The following OR5W2 variants were observed in gnomAD, a reference collection of about 807,000 sequenced individuals.
OR5W2 encodes the protein olfactory receptor family 5 subfamily W member 2.
For missense variants in OR5W2, 444 were observed against 357.1 expected (o/e 1.24, Z -1.96); for synonymous variants, 164 against 138.2 (o/e 1.19, Z -1.31).
At position 55,913,723 on chromosome 11, in the gene OR5W2, G is replaced by T; in HGVS notation, c.860C>A (p.Pro287His). 6.2e-7 allele frequency: 1 copy of T among 1,613,820 alleles called. No homozygotes were observed. The highest frequency in any genetic ancestry group is 1.3e-5 in the African/African-American group (1 of 74,972). The change falls in exon 1 of 1, where the codon CCC becomes CAC. Residue 287 changes from proline to histidine, a missense_variant. Coordinates refer to ENST00000344514, the MANE Select transcript of OR5W2 (RefSeq NM_001001960.1). ...CTTGTTCCTCAGGCTATAAATCAGG[G>T]GGTTCAACATGGGAACCACAAGGGT... ...FYTLVVPMLN[P>H]LIYSLRNKDV...
rs754430807 is a variant in OR5W2, at chr11:55,913,697, C to G, written c.886G>C (p.Asp296His). Residue 296 changes from aspartate (D) to histidine (H), a missense_variant, in exon 1 of 1, where the codon GAT becomes CAT. Asp to His is a moderately conservative substitution (Grantham distance 81, BLOSUM62 -1). Coordinates refer to ENST00000344514, the MANE Select transcript of OR5W2 (RefSeq NM_001001960.1). ...NPLIYSLRNK[D>H]VKEALKKLKN... The stretch of plus-strand genomic sequence containing the variant: ...AGTTTTTTCAGGGCCTCTTTCACAT[C>G]CTTGTTCCTCAGGCTATAAATCAGG... 51 of 1,611,944 alleles carry G rather than the reference C, an allele frequency of 3.2e-5. No homozygotes were observed. The highest frequency in any genetic ancestry group is 4.2e-5 in the Non-Finnish European group (50 of 1,179,298).
In OR5W2 at chr11:55,914,240, G is replaced by T. The variant is rs1469856868; in HGVS notation, c.343C>A (p.Leu115Met). 1.9e-6 allele frequency: 3 copies of T among 1,613,754 alleles called. No individual in the cohort carries two copies. The highest frequency in any genetic ancestry group is 1.7e-6 in the Non-Finnish European group (2 of 1,179,820). ...CIFADSECLL[L>M]SVMAFDRYKA... ...TACCGATCAAAGGCCATCACTGACA[G>T]CAGTAGACACTCAGAATCTGCAAAG... is the stretch of plus-strand genomic sequence containing the variant. Residue 115 changes from leucine (L) to methionine (M), a missense_variant, in exon 1 of 1, where the codon CTG (leucine) becomes ATG (methionine). Leu to Met is a conservative substitution (Grantham distance 15, BLOSUM62 2). Transcript: ENST00000344514.
Position 55,914,452 on chromosome 11 carries a change from C to G in OR5W2, c.131G>C (p.Gly44Ala). 6.2e-7 allele frequency: 1 copy of G among 1,613,508 alleles called. No homozygotes were observed. Among genetic ancestry groups the G allele is most frequent in the Non-Finnish European group, 8.5e-7 (1 of 1,179,518 alleles). The change falls in exon 1 of 1, where the codon GGA (glycine) becomes GCA (alanine). Residue 44 changes from glycine to alanine, a missense_variant. Transcript: ENST00000344514. ...VYIINFSANL[G>A]MIVLIRMDYQ... ...ATCCATTCTGATTAAAACTATCATT[C>G]CAAGATTTGCTGAGAAATTAATGAT...
Position 55,914,269 on chromosome 11 carries a change from C to T in OR5W2, c.314G>A (p.Cys105Tyr). The change falls in exon 1 of 1, where the codon TGT becomes TAT. Residue 105 changes from cysteine (C) to tyrosine (Y), a missense_variant. Transcript: ENST00000344514. ...TAGACACTCAGAATCTGCAAAGATA[C>T]AGAAGACCAAGAATTGCAGAGCACA... ...YGCALQFLVF[C>Y]IFADSECLLL... The T allele has an allele frequency of 6.2e-7, 1 of 1,614,006 alleles. No homozygotes were observed. The highest frequency in any genetic ancestry group is 8.5e-7 in the Non-Finnish European group (1 of 1,179,986).
At position 55,914,382 on chromosome 11, in the gene OR5W2, A is replaced by T; in HGVS notation, c.201T>A (p.Ser67=). 6.2e-7 allele frequency: 1 copy of T among 1,614,022 alleles called. No homozygotes were observed. The change falls in exon 1 of 1, where the codon TCT becomes TCA. Residue 67 remains serine, a synonymous_variant. Coordinates refer to ENST00000344514, the MANE Select transcript of OR5W2 (RefSeq NM_001001960.1). ...CAGTAGAATAGCAGAGATCACAGAAAGACAGATGACTGAGGAAGAAATACA... is the reference window on the plus strand; with the variant it reads ...CAGTAGAATAGCAGAGATCACAGAATGACAGATGACTGAGGAAGAAATACA... ...TPMYFFLSHL[S]FCDLCYSTAT...
rs747488360 is a variant in OR5W2 at position 55,913,898 on chromosome 11, G to A, written c.685C>T (p.His229Tyr). The change falls in exon 1 of 1, where the codon CAC (histidine) becomes TAC (tyrosine). Residue 229 changes from histidine (H) to tyrosine (Y), a missense_variant. Transcript: ENST00000344514. The stretch of plus-strand genomic sequence containing the variant: ...GCTTTGAACCTCCCCTCAGCAGAGT[G>A]TATCTCCAAGACTGATAGGATGATA... Reference protein sequence around the residue: ...CYIILSVLEIHSAEGRFKALS... With the variant: ...CYIILSVLEIYSAEGRFKALS... The A allele has an allele frequency of 3.1e-6, 5 of 1,613,554 alleles. No homozygotes were observed. The highest frequency in any genetic ancestry group is 2.2e-5 in the South Asian group (2 of 91,076).
At position 55,914,161 on chromosome 11, in the gene OR5W2, C is replaced by A. The variant is rs767863061; in HGVS notation, c.422G>T (p.Cys141Phe). ...LYTVNMSSRV[C>F]YLLLTGVYLV... ...ATAAACCCCAGTCAAGAGTAGATAG[C>A]ACACTCTGCTAGACATGTTGACTGT... Residue 141 changes from cysteine to phenylalanine, a missense_variant, in exon 1 of 1, where the codon TGC (cysteine) becomes TTC (phenylalanine). Transcript: ENST00000344514. 1.2e-6 allele frequency: 2 copies of A among 1,613,928 alleles called. No individual in the cohort carries two copies. The highest frequency in any genetic ancestry group is 2.2e-5 in the East Asian group (1 of 44,872).
At position 55,913,696 on chromosome 11, in the gene OR5W2, T is replaced by A; in HGVS notation, c.887A>T (p.Asp296Val). The change falls in exon 1 of 1, where the codon GAT becomes GTT. Residue 296 changes from aspartate (D) to valine (V), a missense_variant. Transcript: ENST00000344514. ...CAGTTTTTTCAGGGCCTCTTTCACA[T>A]CCTTGTTCCTCAGGCTATAAATCAG... ...NPLIYSLRNK[D>V]VKEALKKLKN... is the part of the protein sequence containing the mutation. The A allele has an allele frequency of 6.2e-7, 1 of 1,612,212 alleles. No individual in the cohort carries two copies. Among genetic ancestry groups the A allele is most frequent in the Admixed American group, 1.7e-5 (1 of 59,608 alleles).
Position 55,913,942 on chromosome 11 carries a change from A to T in OR5W2, c.641T>A (p.Val214Asp). ...GFIELSTISG[V>D]FISYCYIILS... ...GATGATATAACAATAAGAAATGAAA[A>T]CTCCTGAAATGGTACTCAGTTCAAT... The change falls in exon 1 of 1, where the codon GTT (valine) becomes GAT (aspartate). Residue 214 changes from valine (V) to aspartate (D), a missense_variant. By Grantham distance (152) the Val-to-Asp change is radical. Coordinates refer to ENST00000344514, the MANE Select transcript of OR5W2 (RefSeq NM_001001960.1). 6.2e-7 allele frequency: 1 copy of T among 1,613,862 alleles called. No homozygotes were observed. Among genetic ancestry groups the T allele is most frequent in the Non-Finnish European group, 8.5e-7 (1 of 1,179,868 alleles).
rs749454129 is a variant in OR5W2, at chr11:55,913,948, GA to G, written c.634del (p.Ser212GlnfsTer57). The G allele has an allele frequency of 1.9e-5, 30 of 1,613,946 alleles. No individual in the cohort carries two copies. The South Asian group carries it at 2.5e-4, about 14-fold the overall frequency. On this transcript the variant is annotated frameshift_variant, in exon 1 of 1. Transcript: ENST00000344514. LOFTEE classifies it low-confidence loss of function (END_TRUNC). ...ATAACAATAAGAAATGAAAACTCCT[GA>G]AATGGTACTCAGTTCAATAAAACCA... ...VFGFIELSTI[S>X]GVFISYCYII...
At position 55,913,966 on chromosome 11, in the gene OR5W2, A is replaced by G. The variant is rs1316341910; in HGVS notation, c.617T>C (p.Ile206Thr). ...ELVLFTVFGFIELSTISGVFI... is the reference protein window; with the variant it reads ...ELVLFTVFGFTELSTISGVFI... ...AACTCCTGAAATGGTACTCAGTTCAATAAAACCAAAGACGGTGAATAACAC... is the reference window on the plus strand; with the variant it reads ...AACTCCTGAAATGGTACTCAGTTCAGTAAAACCAAAGACGGTGAATAACAC... Residue 206 changes from isoleucine to threonine, a missense_variant, in exon 1 of 1, where the codon ATT becomes ACT. By Grantham distance (89) the Ile-to-Thr change is moderately conservative. Transcript: ENST00000344514. 4 of 1,614,018 alleles carry G rather than the reference A, an allele frequency of 2.5e-6. No homozygotes were observed. Among genetic ancestry groups the G allele is most frequent in the South Asian group, 1.1e-5 (1 of 91,078 alleles).
Position 55,913,948 on chromosome 11 carries a change from G to A in OR5W2, c.635C>T (p.Ser212Leu), listed in dbSNP as rs1854911134. Residue 212 changes from serine (S) to leucine (L), a missense_variant, in exon 1 of 1, where the codon TCA becomes TTA. Transcript: ENST00000344514. The part of the protein sequence containing the change: ...VFGFIELSTI[S>L]GVFISYCYII... ...ATAACAATAAGAAATGAAAACTCCT[G>A]AAATGGTACTCAGTTCAATAAAACC... 1 of 1,613,828 alleles carries A rather than the reference G, an allele frequency of 6.2e-7. No individual in the cohort carries two copies.
In OR5W2 at chr11:55,914,187, A is replaced by G. The variant is rs761146467; in HGVS notation, c.396T>C (p.Tyr132=). ...ACACTCTGCTAGACATGTTGACTGT[A>G]TAGAGCAGGGGGTTGATGATGGCCT... ...RYKAIINPLL[Y]TVNMSSRVCY... The change falls in exon 1 of 1, where the codon TAT becomes TAC. Residue 132 remains tyrosine (Y), a synonymous_variant. Transcript: ENST00000344514. 6.2e-6 allele frequency: 10 copies of G among 1,614,006 alleles called. No homozygotes were observed. In the African/African-American group the frequency reaches 1.1e-4, roughly 17 times the overall value.
Position 55,914,165 on chromosome 11 carries a change from C to A in OR5W2, c.418G>T (p.Val140Leu), listed in dbSNP as rs775872230. ...LLYTVNMSSR[V>L]CYLLLTGVYL... ...ACCCCAGTCAAGAGTAGATAGCACACTCTGCTAGACATGTTGACTGTATAG... is the reference window on the plus strand; with the variant it reads ...ACCCCAGTCAAGAGTAGATAGCACAATCTGCTAGACATGTTGACTGTATAG... The change falls in exon 1 of 1, where the codon GTG (valine) becomes TTG (leucine). Residue 140 changes from valine to leucine, a missense_variant. Physicochemically the swap from Val to Leu is conservative, Grantham distance 32. Coordinates refer to ENST00000344514, the MANE Select transcript of OR5W2 (RefSeq NM_001001960.1). 2 of 1,614,038 alleles carry A rather than the reference C, an allele frequency of 1.2e-6. No homozygotes were observed. Among genetic ancestry groups the A allele is most frequent in the African/African-American group, 2.7e-5 (2 of 75,064 alleles).
In OR5W2 at chr11:55,914,058, A is replaced by G. The variant is rs745598248; in HGVS notation, c.525T>C (p.Asn175=). Residue 175 remains asparagine (N), a synonymous_variant, in exon 1 of 1, where the codon AAT becomes AAC. Coordinates refer to ENST00000344514, the MANE Select transcript of OR5W2 (RefSeq NM_001001960.1). ...RLCFCGSNEI[N]HFFCDIPPLL... is the part of the protein sequence containing the mutation. ...GAGGAGGGATATCACAGAAGAAATGATTAATCTCATTAGACCCACAGAAGC... is the reference window on the plus strand; with the variant it reads ...GAGGAGGGATATCACAGAAGAAATGGTTAATCTCATTAGACCCACAGAAGC... The G allele has an allele frequency of 3.7e-6, 6 of 1,613,998 alleles. No homozygotes were observed. The highest frequency in any genetic ancestry group is 5.1e-6 in the Non-Finnish European group (6 of 1,179,846).
rs547459949 is a variant in OR5W2 at position 55,914,119 on chromosome 11, T to C, written c.464A>G (p.Asp155Gly). The change falls in exon 1 of 1, where the codon GAT becomes GGT. Residue 155 changes from aspartate to glycine, a missense_variant. Physicochemically the swap from Asp to Gly is moderately conservative, Grantham distance 94 (BLOSUM62 -1). Coordinates refer to ENST00000344514, the MANE Select transcript of OR5W2 (RefSeq NM_001001960.1). The stretch of plus-strand genomic sequence containing the variant: ...GGCCAGTGTCATATGTATCAAAGCA[T>C]CTGCTATTCCCACCAGATAAACCCC... ...LTGVYLVGIADALIHMTLAFR... is the reference protein window; with the variant it reads ...LTGVYLVGIAGALIHMTLAFR... The C allele has an allele frequency of 1.9e-5, 31 of 1,613,942 alleles. No individual in the cohort carries two copies. In the South Asian group the frequency reaches 2.7e-4, roughly 14 times the overall value.
Position 55,914,269 on chromosome 11 carries a change from C to A in OR5W2, c.314G>T (p.Cys105Phe), listed in dbSNP as rs1565146623. 6.2e-7 allele frequency: 1 copy of A among 1,614,006 alleles called. No homozygotes were observed. ...TAGACACTCAGAATCTGCAAAGATA[C>A]AGAAGACCAAGAATTGCAGAGCACA... ...YGCALQFLVF[C>F]IFADSECLLL... The change falls in exon 1 of 1, where the codon TGT becomes TTT. Residue 105 changes from cysteine (C) to phenylalanine (F), a missense_variant. Coordinates refer to ENST00000344514, the MANE Select transcript of OR5W2 (RefSeq NM_001001960.1).
chr11:55,914,502 T>C lies in OR5W2; in HGVS notation c.81A>G (p.Leu27=), dbSNP rs532770876. The C allele has an allele frequency of 6.2e-7, 1 of 1,613,584 alleles. No individual in the cohort carries two copies. The highest frequency in any genetic ancestry group is 1.1e-5 in the South Asian group (1 of 91,058). ...ITNNPEMKVT[L]FAVFLAVYII... Reference sequence around the variant, plus strand: ...TATAAACAGCCAAGAATACAGCAAATAGGGTCACTTTCATCTCTGGGTTAT... The same window carrying C: ...TATAAACAGCCAAGAATACAGCAAACAGGGTCACTTTCATCTCTGGGTTAT... The change falls in exon 1 of 1, where the codon CTA becomes CTG. Residue 27 remains leucine (L), a synonymous_variant. Transcript: ENST00000344514.
rs139902439 is a variant in OR5W2, at chr11:55,914,553, A to T, written c.30T>A (p.Thr10=). 1 of 1,606,172 alleles carries T rather than the reference A, an allele frequency of 6.2e-7. No individual in the cohort carries two copies. The highest frequency in any genetic ancestry group is 8.5e-7 in the Non-Finnish European group (1 of 1,175,682). Residue 10 remains threonine, a synonymous_variant, in exon 1 of 1, where the codon ACT becomes ACA. Transcript: ENST00000344514. The part of the protein sequence containing the change: MDWENCSSL[T]DFFLLGITNN... ...TGGTAATTCCCAAGAGAAAAAAATCAGTTAATGAGGAGCAATTTTCCCAGT... is the reference window on the plus strand; with the variant it reads ...TGGTAATTCCCAAGAGAAAAAAATCTGTTAATGAGGAGCAATTTTCCCAGT...
Sources: gnomAD v4.1 joint callset for allele counts on GRCh38, gnomAD v4.1.1 for gene constraint, MANE v1.5 for transcripts, NCBI Gene and HGNC (gene_info 2026-07-23, HGNC 2026-07-21) for gene names.